SPAG16: variants seen among roughly 807,000 people sequenced by gnomAD.
SPAG16 encodes the protein sperm associated antigen 16.
SPAG16 carries 86 observed loss-of-function variants against 80.4 expected under a neutral mutation model. That is an observed-to-expected ratio of 1.07 (90% CI 0.90 to 1.28). The LOEUF (loss-of-function observed/expected upper bound fraction) is 1.28. SPAG16 is among the 50% of genes most tolerant of loss of function. SPAG16 has a pLI of 0.00. For missense variants in SPAG16, 870 were observed against 765.3 expected, an observed-to-expected ratio of 1.14 and a Z score of -1.61; for synonymous variants, 294 against 265.9, an observed-to-expected ratio of 1.11 and a Z score of -1.03.
intron 15 of SPAG16, among the ~76,000 whole-genome samples, chr2:214,406,076 A>G (rs909709134): frequency 1.3e-5 from 2 of 152,190 alleles, no homozygotes; most frequent in Non-Finnish European, 2.9e-5. Flanking sequence ...ACAAGCACAT[A>G]TTAAGTACTG....
intron 15 of SPAG16, among the ~76,000 whole-genome samples, chr2:214,377,919 T>C (rs1700225157): frequency 6.6e-6 from 1 of 152,176 alleles, no homozygotes; most frequent in African/African-American, 2.4e-5. Flanking sequence ...TGTTTGCAGA[T>C]GGATTAAATT....
At chr2:214,155,690 G>C (rs995614321) in intron 15 of SPAG16, among the ~76,000 whole-genome samples, 8 of 152,102 alleles carry the variant, frequency 5.3e-5, no homozygotes, top group Non-Finnish European at 1.0e-4. Flanking sequence ...AAATTGCTGA[G>C]TTAGAGTGCT....
At chr2:213,339,263 C>G (rs1448562013) in intron 5 of SPAG16, among the ~76,000 whole-genome samples, 2 of 152,128 alleles carry the variant, frequency 1.3e-5, no homozygotes, top group Admixed American at 1.3e-4. Flanking sequence ...TTATGTGAAT[C>G]AAAATTTTGA....
intron 12 of SPAG16, among the ~76,000 whole-genome samples, chr2:213,988,846 T>C (rs2046148032): frequency 6.6e-6 from 1 of 152,086 alleles, no homozygotes; most frequent in African/African-American, 2.4e-5. Flanking sequence ...AGTCACAATA[T>C]GGTTAAAGAT....
chr2:214,022,524 A>G (rs1381644866), intron 13 of SPAG16, among the ~76,000 whole-genome samples: 1 of 152,188 alleles, frequency 6.6e-6, no homozygotes. Context: ...GTGACAGATG[A>G]GAACTCAGTA....
At chr2:214,241,197 A>C (rs909341532) in intron 15 of SPAG16, 3 of 152,082 alleles carry the variant, frequency 2.0e-5, no homozygotes, top group African/African-American at 7.2e-5. Flanking sequence ...TACTAAAAAT[A>C]CAAAAAAAAA....
At chr2:213,626,641 A>ATTTT (rs10582370) in intron 10 of SPAG16, among the ~76,000 whole-genome samples, 22 of 98,984 alleles carry the variant, frequency 2.2e-4, no homozygotes, top group Non-Finnish European at 2.9e-4. Flanking sequence ...ATCGGGCTCA[A>ATTTT]TTTTTTTTTT....
At chr2:213,702,375 G>A (rs1454271255) in intron 10 of SPAG16, among the ~76,000 whole-genome samples, 1 of 152,180 alleles carries the variant, frequency 6.6e-6, no homozygotes, top group African/African-American at 2.4e-5. Flanking sequence ...AATAAATCTT[G>A]CTGCTGCTGT....
At chr2:213,962,537 A>G (rs150422697) in intron 12 of SPAG16, among the ~76,000 whole-genome samples, 34 of 152,314 alleles carry the variant, frequency 2.2e-4, no homozygotes, top group Admixed American at 7.2e-4. Flanking sequence ...GTGTGTATAC[A>G]GAGAAAAACC....
chr2:213,637,703 C>A (rs1049255627), intron 10 of SPAG16, among the ~76,000 whole-genome samples: 1 of 152,066 alleles, frequency 6.6e-6, no homozygotes. Flanking sequence ...TATCCATCTT[C>A]TCTGGGTTTT....
chr2:213,693,194 A>G (rs751469488), intron 10 of SPAG16, among the ~76,000 whole-genome samples: 1 of 152,218 alleles, frequency 6.6e-6, no homozygotes. Flanking sequence ...TGATTGGGCA[A>G]TTTATCAGTT....
intron 4 of SPAG16, among the ~76,000 whole-genome samples, chr2:213,314,980 G>GA (rs2063340577): frequency 6.6e-6 from 1 of 150,642 alleles, no homozygotes; most frequent in African/African-American, 2.5e-5. Flanking sequence ...TCTTTTTTTA[G>GA]AAAAAATCAG....
At chr2:214,032,515 T>A (rs1024021819) in intron 13 of SPAG16, among the ~76,000 whole-genome samples, 2 of 152,052 alleles carry the variant, frequency 1.3e-5, no homozygotes, top group African/African-American at 4.8e-5. Context: ...ATTGCCTGTA[T>A]GAATAACAAA....
At chr2:213,808,647 T>A (rs1228605530) in intron 10 of SPAG16, among the ~76,000 whole-genome samples, 1 of 152,118 alleles carries the variant, frequency 6.6e-6, no homozygotes, top group Non-Finnish European at 1.5e-5. Flanking sequence ...TAGGAAAGAT[T>A]ATGAGTAGGC....
intron 10 of SPAG16, among the ~76,000 whole-genome samples, chr2:213,671,691 T>C (rs1284188412): frequency 1.3e-5 from 2 of 152,316 alleles, no homozygotes; most frequent in Middle Eastern, 3.4e-3. Context: ...TAAATTTAGA[T>C]GGTCTTGAGT....
chr2:213,549,617 G>A (rs2076724906), intron 10 of SPAG16, among the ~76,000 whole-genome samples: 1 of 152,124 alleles, frequency 6.6e-6, no homozygotes, highest in Admixed American at 6.5e-5. Context: ...TCTCCATGTG[G>A]AAGCTAAACA....
chr2:214,195,560 T>G (rs947343860), intron 15 of SPAG16, among the ~76,000 whole-genome samples: 37 of 151,846 alleles, frequency 2.4e-4, no homozygotes, highest in African/African-American at 8.9e-4. Context: ...CGCATAAAAC[T>G]GAAAGGGCAT....
chr2:214,124,589 C>T (rs1390888519), intron 14 of SPAG16, among the ~76,000 whole-genome samples: 2 of 151,806 alleles, frequency 1.3e-5, no homozygotes, highest in Admixed American at 6.7e-5. Flanking sequence ...ATAATTGTCA[C>T]ACCAATTTAC....
intron 15 of SPAG16, among the ~76,000 whole-genome samples, chr2:214,371,514 A>G (rs1460966485): frequency 2.7e-5 from 4 of 146,058 alleles, no homozygotes; most frequent in Admixed American, 6.7e-5. Context: ...CCTGGGCCGT[A>G]AGAGCACAAA....
Sources: allele counts gnomAD v4.1 joint callset (sites outside exome capture counted in the v4.1 genomes callset), GRCh38; gene constraint gnomAD v4.1.1; transcripts MANE v1.5; gene names NCBI Gene and HGNC (gene_info 2026-07-23, HGNC 2026-07-21).